The following CDK11B variants were observed in gnomAD, a reference collection of about 807,000 sequenced individuals.
CDK11B encodes the protein cyclin dependent kinase 11B.
Under a neutral mutation model 84.0 loss-of-function variants are expected in CDK11B, and 37 were observed. The observed-to-expected ratio is 0.44, with a 90% CI of 0.34 to 0.58. CDK11B has a LOEUF of 0.58. Ranked by LOEUF, CDK11B falls within the 20% of genes least tolerant of loss-of-function variation. The pLI is 0.02. For synonymous variants in CDK11B, 269 were observed against 309.8 expected (o/e 0.87, Z 1.38); for missense variants, 427 against 834.0 (o/e 0.51, Z 6.01).
chr1:1,647,922 T>C (rs1028901157), intron 5 of CDK11B, among the ~76,000 whole-genome samples: 2 of 152,222 alleles, frequency 1.3e-5, no homozygotes, highest in South Asian at 2.1e-4. Flanking sequence ...GCTTCCCAAG[T>C]GCAGAGTGGA....
chr1:1,654,906 C>A (rs1179813741), intron 3 of CDK11B, among the ~76,000 whole-genome samples: 1 of 151,944 alleles, frequency 6.6e-6, no homozygotes, highest in Non-Finnish European at 1.5e-5. Flanking sequence ...GATCCGCCCA[C>A]CTCGGCCTCC....
At chr1:1,646,553 T>G (rs1641151804) in intron 5 of CDK11B, 1 of 518,372 alleles carries the variant, frequency 1.9e-6, no homozygotes, top group Non-Finnish European at 3.9e-6. Flanking sequence ...ACCTAAGATG[T>G]GAGGAGAGAT....
Position 1,655,389 on chromosome 1 carries a change from T to G in CDK11B, c.207A>C (p.Arg69Ser). The change falls in exon 3 of 20, where the codon AGA (arginine) becomes AGC (serine). Residue 69 changes from arginine to serine, a missense_variant. This residue lies in a region of CDK11B where 57 missense variants were observed against 62.2 expected (regional missense o/e 0.92). Transcript: ENST00000341832. ...EITIRNSPYR[R>S]EDSMEDRGEE... ...CTCACCTGTCTTCCATAGAGTCTTC[T>G]CTTCTATACGGGGAGTTCCTTATTG... The G allele has an allele frequency of 6.2e-7, 1 of 1,613,626 alleles. No homozygotes were observed. Among genetic ancestry groups the G allele is most frequent in the Non-Finnish European group, 8.5e-7 (1 of 1,179,628 alleles).
At position 1,637,055 on chromosome 1, in the gene CDK11B, G is replaced by A. The variant is rs188330435; in HGVS notation, c.1692+26C>T. 6 of 1,613,360 alleles carry A rather than the reference G, an allele frequency of 3.7e-6. No homozygotes were observed. In the African/African-American group the frequency reaches 5.3e-5, roughly 14 times the overall value. On this transcript the variant is annotated intron_variant, in intron 15 of 19. Transcript: ENST00000341832. ...AGTGGGCCCCGGCAGGTCTCCCTGGGATGGGCCACTCGGAGGGGGGCTCAC... is the reference window on the plus strand; with the variant it reads ...AGTGGGCCCCGGCAGGTCTCCCTGGAATGGGCCACTCGGAGGGGGGCTCAC...
chr1:1,650,727 T>C (rs1641902155), intron 4 of CDK11B, among the ~76,000 whole-genome samples: 1 of 149,588 alleles, frequency 6.7e-6, no homozygotes, highest in African/African-American at 2.5e-5. Context: ...AGGCTGGTCT[T>C]GAACTCCCGG....
chr1:1,651,666 AC>A (rs1642025686), intron 4 of CDK11B, among the ~76,000 whole-genome samples: 1 of 151,438 alleles, frequency 6.6e-6, no homozygotes, highest in Non-Finnish European at 1.5e-5. Context: ...TCTGTGACAC[AC>A]GCATGCTTTC....
intron 3 of CDK11B, among the ~76,000 whole-genome samples, chr1:1,653,918 A>T (rs1642376627): frequency 6.6e-6 from 1 of 151,862 alleles, no homozygotes; most frequent in Non-Finnish European, 1.5e-5. Context: ...CTGAGGCAGG[A>T]GACTCACTTG....
chr1:1,650,382 TGGAG>T (rs1641827176), intron 4 of CDK11B, among the ~76,000 whole-genome samples: 1 of 146,284 alleles, frequency 6.8e-6, no homozygotes, highest in Non-Finnish European at 1.5e-5. Context: ...TTTTTTTTTT[TGGAG>T]ATGGAGTCTT....
At chr1:1,640,734 T>C (rs1640157133) in intron 10 of CDK11B, among the ~76,000 whole-genome samples, 2 of 152,218 alleles carry the variant, frequency 1.3e-5, no homozygotes, top group African/African-American at 4.8e-5. Flanking sequence ...CCTCACTGCC[T>C]GTCGGAGGCT....
intron 3 of CDK11B, among the ~76,000 whole-genome samples, chr1:1,654,701 C>T (rs1372689648): frequency 1.3e-5 from 2 of 151,238 alleles, no homozygotes. Context: ...CTCTGTCGCC[C>T]AGGCTGGGGT....
chr1:1,636,756 A>C lies in CDK11B; in HGVS notation c.1843T>G (p.Phe615Val). 4.3e-6 allele frequency: 7 copies of C among 1,613,922 alleles called. No homozygotes were observed. Among genetic ancestry groups the C allele is most frequent in the Non-Finnish European group, 5.1e-6 (6 of 1,179,858 alleles). ...AVDMWSVGCI[F>V]GELLTQKPLF... The stretch of plus-strand genomic sequence containing the variant: ...GGCTTCTGAGTCAGCAGCTCCCCGA[A>C]GATGCAACCCACTGACCACATGTCC... Residue 615 changes from phenylalanine to valine, a missense_variant, in exon 17 of 20, where the codon TTC becomes GTC. This residue lies in a region of CDK11B where 170 missense variants were observed against 196.0 expected (regional missense o/e 0.87). Transcript: ENST00000341832.
At chr1:1,636,583 C>T in intron 17 of CDK11B, 99 bp downstream of exon 17, 2 of 1,579,664 alleles carry the variant, frequency 1.3e-6, no homozygotes, top group East Asian at 4.6e-5. Context: ...TCTCAGTGGC[C>T]CTGGTCCCCA....
chr1:1,637,705 G>A (rs987343522), intron 13 of CDK11B, 57 bp downstream of exon 13: 49 of 1,613,328 alleles, frequency 3.0e-5, no homozygotes, highest in African/African-American at 9.4e-5. Context: ...AGGACAGCAC[G>A]GGGCCCTGTC....
Position 1,636,988 on chromosome 1 carries a change from A to C in CDK11B, c.1709T>G (p.Leu570Arg). The C allele has an allele frequency of 6.2e-7, 1 of 1,612,112 alleles. No homozygotes were observed. Among genetic ancestry groups the C allele is most frequent in the Non-Finnish European group, 8.5e-7 (1 of 1,178,998 alleles). ...CAGAGGGGATCCGTACTCCCGCGCC[A>C]GCCCGAAGTCACCCACCTGCAACGA... ...AGILKVGDFG[L>R]AREYGSPLKA... is the part of the protein sequence containing the mutation. Residue 570 changes from leucine (L) to arginine (R), a missense_variant, in exon 16 of 20, where the codon CTG becomes CGG. By Grantham distance (102) the Leu-to-Arg change is moderately radical (BLOSUM62 -2). Around this residue, in one of 12 missense-constraint regions of CDK11B, gnomAD observed 170 missense variants for 196.0 expected, o/e 0.87. Coordinates refer to ENST00000341832, the MANE Select transcript of CDK11B (RefSeq NM_033486.3).
rs576236041 is a variant in CDK11B, at chr1:1,655,225, T to C, written c.227+144A>G. The C allele has an allele frequency of 4.4e-4, 466 of 1,051,438 alleles. 1 individual carries two copies. Among genetic ancestry groups the C allele is most frequent in the Non-Finnish European group, 5.4e-4 (414 of 767,300 alleles). The allele number at this position is 1,051,438 out of a possible 1,614,324, so 65.1% of individuals were successfully genotyped here. A position where few individuals can be genotyped will look rare whatever the true frequency, so the allele number is the denominator to read the frequency against. On this transcript the variant is annotated intron_variant, in intron 3 of 19. Coordinates refer to ENST00000341832, the MANE Select transcript of CDK11B (RefSeq NM_033486.3). ...CACAACTGTGACATAAAAACCTCAA[T>C]AGTTACGCTATGTCACAGTAACTCT...
intron 4 of CDK11B, among the ~76,000 whole-genome samples, chr1:1,649,925 G>C (rs1236046073): frequency 6.9e-6 from 1 of 144,294 alleles, no homozygotes; most frequent in African/African-American, 2.6e-5. Context: ...GCAGTGAGCC[G>C]AGATCACGCC....
chr1:1,646,382 T>G (rs1641116694), intron 5 of CDK11B: 1 of 484,962 alleles, frequency 2.1e-6, no homozygotes, highest in Admixed American at 2.3e-5. Flanking sequence ...TCTTAGTGGT[T>G]GCTCTAGGGA....
intron 6 of CDK11B, among the ~76,000 whole-genome samples, chr1:1,643,497 A>G (rs771019834): frequency 6.6e-6 from 1 of 150,518 alleles, no homozygotes; most frequent in Non-Finnish European, 1.5e-5. Context: ...AAAGAAGCCA[A>G]CAGACACGGT....
Position 1,636,433 on chromosome 1 carries a change from G to A in CDK11B, c.1966C>T (p.Pro656Ser). ...CTGAAGGTCATCTTCTTGACTGCTG[G>A]GAGCTCGCTGTAGCCGGGCCAGATT... Reference protein sequence around the residue: ...EKIWPGYSELPAVKKMTFSEH... With the variant: ...EKIWPGYSELSAVKKMTFSEH... The change falls in exon 18 of 20, where the codon CCA becomes TCA. Residue 656 changes from proline (P) to serine (S), a missense_variant. Physicochemically the swap from Pro to Ser is moderately conservative, Grantham distance 74 (BLOSUM62 -1). Around this residue, in one of 12 missense-constraint regions of CDK11B, gnomAD observed 170 missense variants for 196.0 expected, o/e 0.87. Coordinates refer to ENST00000341832, the MANE Select transcript of CDK11B (RefSeq NM_033486.3). The A allele has an allele frequency of 6.2e-7, 1 of 1,613,160 alleles. No individual in the cohort carries two copies. The highest frequency in any genetic ancestry group is 8.5e-7 in the Non-Finnish European group (1 of 1,179,500).
Sources: allele counts gnomAD v4.1 joint callset (sites outside exome capture counted in the v4.1 genomes callset), GRCh38; gene constraint gnomAD v4.1.1; regional missense constraint gnomAD v4.1.1; transcripts MANE v1.5; gene names NCBI Gene and HGNC (gene_info 2026-07-23, HGNC 2026-07-21).